UTP25: variants seen among roughly 807,000 people sequenced by gnomAD.
The protein encoded by UTP25 is U3 small nucleolar RNA-associated protein 25 homolog.
In UTP25, 50 loss-of-function variants were observed where a neutral mutation model predicts 78.9. The observed-to-expected ratio is 0.63, with a 90% confidence interval of 0.50 to 0.80. UTP25 has a LOEUF of 0.80. UTP25 is among the 30% of genes least tolerant of loss of function. The probability of loss-of-function intolerance (pLI) is 0.00; values close to 1 mark genes in which losing one functional copy is unlikely to be tolerated. For missense variants in UTP25, 846 were observed against 911.3 expected (o/e 0.93, Z 0.92); for synonymous variants, 329 against 336.5 (o/e 0.98, Z 0.24).
chr1:209,851,264 T>C lies in UTP25; in HGVS notation c.2088T>C (p.Phe696=), dbSNP rs1346734590. The change falls in exon 12 of 12, where the codon TTT becomes TTC. Residue 696 remains phenylalanine, a synonymous_variant. Coordinates refer to ENST00000491415, the MANE Select transcript of UTP25 (RefSeq NM_014388.7). ...ATGAACTGCCGACATATCCACACTT[T>C]TACAGTGAAATCTGTAATATGCTGA... is the stretch of plus-strand genomic sequence containing the variant. ...IFYELPTYPH[F]YSEICNMLRA... 1 of 1,614,172 alleles carries C rather than the reference T, an allele frequency of 6.2e-7. No individual in the cohort carries two copies. Among genetic ancestry groups the C allele is most frequent in the Admixed American group, 1.7e-5 (1 of 60,026 alleles).
intron 6 of UTP25, among the ~76,000 whole-genome samples, chr1:209,837,916 A>T (rs11806020): frequency 0.092 from 14,010 of 152,202 alleles, 1,999 homozygotes; most frequent in African/African-American, 0.3. Context: ...GAATTTTCTC[A>T]TTGAGTTTAA....
In UTP25 at chr1:209,853,866, G is replaced by C. The variant is rs999968917; in HGVS notation, c.*2419G>C. 1 of 152,184 alleles carries C rather than the reference G, an allele frequency of 6.6e-6. No homozygotes were observed. Among genetic ancestry groups the C allele is most frequent in the Admixed American group, 6.5e-5 (1 of 15,284 alleles). 9.4% of individuals were successfully genotyped at this position (152,184 alleles called of 1,614,324 possible). A position where few individuals can be genotyped will look rare whatever the true frequency, so the allele number is the denominator to read the frequency against. ...CCCTAGTGATTTTCATGCTGGCATA[G>C]AGCCAAACCCAGCCAACTGCTTCTT... On this transcript the variant is annotated 3_prime_UTR_variant, in exon 12 of 12. Transcript: ENST00000491415.
rs1284783984 is a variant in UTP25, at chr1:209,836,989, A to G, written c.840A>G (p.Lys280=). 1.2e-6 allele frequency: 2 copies of G among 1,614,128 alleles called. No homozygotes were observed. Among genetic ancestry groups the G allele is most frequent in the Non-Finnish European group, 1.7e-6 (2 of 1,180,012 alleles). Reference sequence around the variant, plus strand: ...GCAGCCCATTCACCCCCCTCCAGAAAGAACTCTTCTTAATTATGAATTCTT... The same window carrying G: ...GCAGCCCATTCACCCCCCTCCAGAAGGAACTCTTCTTAATTATGAATTCTT... ...KSSSPFTPLQ[K]ELFLIMNSYR... The change falls in exon 6 of 12, where the codon AAA becomes AAG. Residue 280 remains lysine (K), a synonymous_variant. Coordinates refer to ENST00000491415, the MANE Select transcript of UTP25 (RefSeq NM_014388.7).
intron 11 of UTP25, chr1:209,844,040 T>A (rs575930089): frequency 4.8e-4 from 108 of 226,600 alleles, no homozygotes; most frequent in Non-Finnish European, 1.4e-4. Flanking sequence ...ACTTGAGTTG[T>A]CCCTGTCTAG....
intron 6 of UTP25, chr1:209,838,658 A>C (rs2078148198): frequency 1.9e-6 from 1 of 538,360 alleles, no homozygotes; most frequent in African/African-American, 1.9e-5. Flanking sequence ...GTATTTCCAA[A>C]TTCTGCTTGA....
In UTP25 at chr1:209,839,164, TGAA is replaced by T. The variant is rs780616798; in HGVS notation, c.1282+38_1282+40del. 1.9e-6 allele frequency: 3 copies of T among 1,556,784 alleles called. No individual in the cohort carries two copies. The Admixed American group carries it at 5.2e-5, about 27-fold the overall frequency. On this transcript the variant is annotated intron_variant, in intron 7 of 11. Transcript: ENST00000491415. ...CTTATCAACTTTGAGACCTAAAGTGTGAAGGTCTACATAGCTGGAGACCAGAAG... is the reference window on the plus strand; with the variant it reads ...CTTATCAACTTTGAGACCTAAAGTGTGGTCTACATAGCTGGAGACCAGAAG...
rs2078093717 is a variant in UTP25, at chr1:209,829,991, T to C, written c.108-117T>C. Reference sequence around the variant, plus strand: ...TGCATGTGTAATTTTTGCATGACTATATCTAAAATGTATTTATAATGTTAT... The same window carrying C: ...TGCATGTGTAATTTTTGCATGACTACATCTAAAATGTATTTATAATGTTAT... On this transcript the variant is annotated intron_variant, in intron 1 of 11. Coordinates refer to ENST00000491415, the MANE Select transcript of UTP25 (RefSeq NM_014388.7). The C allele has an allele frequency of 1.9e-5, 16 of 856,140 alleles. 1 individual carries two copies. The highest frequency in any genetic ancestry group is 2.2e-5 in the Non-Finnish European group (12 of 558,082). The allele number at this position is 856,140 out of a possible 1,614,324, so 53.0% of individuals were successfully genotyped here.
rs1469332373 is a variant in UTP25, at chr1:209,828,250, TGCTCCGGCC to T, written c.107+81_107+89del. 7 of 1,044,480 alleles carry T rather than the reference TGCTCCGGCC, an allele frequency of 6.7e-6. No homozygotes were observed. The African/African-American group carries it at 1.1e-4, about 17-fold the overall frequency. 64.7% of individuals were successfully genotyped at this position (1,044,480 alleles called of 1,614,324 possible). The stretch of plus-strand genomic sequence containing the variant: ...GGTCCTCTGGTCTCCCAGATAGTGC[TGCTCCGGCC>T]TTTTCCCACTATTCCCTGGCTCCCG... On this transcript the variant is annotated intron_variant, in intron 1 of 11. Coordinates refer to ENST00000491415, the MANE Select transcript of UTP25 (RefSeq NM_014388.7).
intron 4 of UTP25, 140 bp from the exon 5 acceptor site, chr1:209,834,935 G>A (rs570455017): frequency 7.1e-4 from 415 of 581,670 alleles, no homozygotes; most frequent in Admixed American, 1.8e-3. Flanking sequence ...TTAAGCTCTG[G>A]ACTTGGCCAG....
In UTP25 at chr1:209,854,724, G is replaced by C. The variant is rs191189937; in HGVS notation, c.*3277G>C. On this transcript the variant is annotated 3_prime_UTR_variant, in exon 12 of 12. Transcript: ENST00000491415. ...GGCCTGGGGTGAGGGAGCAAGAGTT[G>C]GAAGTTCTTTATAGTTGTCTGAAGA... is the stretch of plus-strand genomic sequence containing the variant. 6.6e-6 allele frequency: 1 copy of C among 152,486 alleles called. No individual in the cohort carries two copies. Among genetic ancestry groups the C allele is most frequent in the Admixed American group, 6.5e-5 (1 of 15,306 alleles). The allele number at this position is 152,486 out of a possible 1,614,324, so 9.4% of individuals were successfully genotyped here.
At chr1:209,835,222 T>C in intron 5 of UTP25, 59 bp downstream of exon 5, 1 of 1,497,822 alleles carries the variant, frequency 6.7e-7, no homozygotes, top group Non-Finnish European at 9.3e-7. Context: ...AAAACAGTGG[T>C]CTTGGGTTTT....
At chr1:209,842,127 C>T (rs918533687) in intron 8 of UTP25, 138 bp from the exon 9 acceptor site, 20 of 891,460 alleles carry the variant, frequency 2.2e-5, no homozygotes, top group Admixed American at 4.7e-5. Context: ...AAGTCACTCA[C>T]CCATGTGAGC....
intron 11 of UTP25, among the ~76,000 whole-genome samples, chr1:209,849,294 T>C (rs1025423542): frequency 3.9e-5 from 6 of 152,184 alleles, no homozygotes. Flanking sequence ...ATACAGCTTC[T>C]TCCCTAATCG....
rs1356840808 is a variant in UTP25, at chr1:209,851,449, A to ATT, written c.*5_*6dup. 6.2e-7 allele frequency: 1 copy of ATT among 1,600,706 alleles called. No homozygotes were observed. Among genetic ancestry groups the ATT allele is most frequent in the Admixed American group, 1.7e-5 (1 of 57,898 alleles). On this transcript the variant is annotated 3_prime_UTR_variant, in exon 12 of 12. Transcript: ENST00000491415. Reference sequence around the variant, plus strand: ...CTCTTCATTACTGGAGAAAAATGAAATTTTGTTGGGCAGGAAGTGGTATTT... The same window carrying ATT: ...CTCTTCATTACTGGAGAAAAATGAAATTTTTTGTTGGGCAGGAAGTGGTATTT...
intron 11 of UTP25, among the ~76,000 whole-genome samples, chr1:209,849,948 G>A (rs1177801260): frequency 1.3e-5 from 2 of 152,126 alleles, no homozygotes; most frequent in East Asian, 3.9e-4. Flanking sequence ...AGACCTGGCT[G>A]CACATCTCTG....
intron 2 of UTP25, 115 bp from the exon 3 acceptor site, chr1:209,830,688 T>C: frequency 6.9e-7 from 1 of 1,455,726 alleles, no homozygotes; most frequent in Non-Finnish European, 9.1e-7. Flanking sequence ...AGATTAGCAA[T>C]TTTAAGTAAA....
intron 11 of UTP25, among the ~76,000 whole-genome samples, chr1:209,850,996 A>G (rs1027220284): frequency 2.2e-4 from 33 of 152,246 alleles, no homozygotes; most frequent in Admixed American, 1.2e-3. Flanking sequence ...TAAGCCAAAT[A>G]TTAGGAATTC....
At chr1:209,850,238 G>A (rs976713949) in intron 11 of UTP25, among the ~76,000 whole-genome samples, 1 of 152,194 alleles carries the variant, frequency 6.6e-6, no homozygotes, top group Non-Finnish European at 1.5e-5. Flanking sequence ...TTGAGAACTA[G>A]TGAGGTAGAA....
At chr1:209,834,024 G>A (rs1245686890) in intron 4 of UTP25, among the ~76,000 whole-genome samples, 1 of 152,104 alleles carries the variant, frequency 6.6e-6, no homozygotes, top group Non-Finnish European at 1.5e-5. Context: ...TACCTTTAAT[G>A]AAACAGAAAT....
Sources: allele counts gnomAD v4.1 joint callset (sites outside exome capture counted in the v4.1 genomes callset), GRCh38; gene constraint gnomAD v4.1.1; transcripts MANE v1.5; gene names NCBI Gene and HGNC (gene_info 2026-07-23, HGNC 2026-07-21).